The following RASGRP1 variants were observed in gnomAD, a reference collection of about 807,000 sequenced individuals.
The protein encoded by RASGRP1 is RAS guanyl releasing protein 1, also known as RAS guanyl-releasing protein 1.
In RASGRP1, 37 loss-of-function variants were observed where a neutral mutation model predicts 95.1. The ratio of observed to expected loss-of-function variants is 0.39; its 90% CI spans 0.30 to 0.51. RASGRP1 has a LOEUF of 0.51. Among genes scored for constraint, RASGRP1 ranks in the 20% least tolerant of loss-of-function variants. The probability of loss-of-function intolerance (pLI) is 0.80; values close to 1 mark genes in which losing one functional copy is unlikely to be tolerated. For missense variants in RASGRP1, 711 were observed against 965.4 expected (o/e 0.74, Z 3.49); for synonymous variants, 325 against 353.4 (o/e 0.92, Z 0.90).
chr15:38,552,946 T>G (rs1181019836), intron 2 of RASGRP1, among the ~76,000 whole-genome samples: 1 of 151,648 alleles, frequency 6.6e-6, no homozygotes, highest in East Asian at 1.9e-4. Context: ...ATTTTTGCCC[T>G]CTGGTCTTGT....
At chr15:38,526,147 A>T in intron 3 of RASGRP1, 152 bp downstream of exon 3, 1 of 642,104 alleles carries the variant, frequency 1.6e-6, no homozygotes, top group East Asian at 2.8e-5. Context: ...CACACCCCCA[A>T]CACATGCACC....
chr15:38,494,559 G>T lies in RASGRP1; in HGVS notation c.2082C>A (p.Ser694=). 1 of 1,579,422 alleles carries T rather than the reference G, an allele frequency of 6.3e-7. No homozygotes were observed. The highest frequency in any genetic ancestry group is 2.3e-5 in the East Asian group (1 of 43,220). ...EGPSGPFVLS[S]PRKTAQDTLY... Reference sequence around the variant, plus strand: ...GAGTATCCTGGGCTGTCTTCCTTGGGGAAGACAGCACAAAGGGACCTGAAG... The same window carrying T: ...GAGTATCCTGGGCTGTCTTCCTTGGTGAAGACAGCACAAAGGGACCTGAAG... The change falls in exon 16 of 17, where the codon TCC becomes TCA. Residue 694 remains serine, a synonymous_variant. Coordinates refer to ENST00000310803, the MANE Select transcript of RASGRP1 (RefSeq NM_005739.4).
At chr15:38,508,101 C>A in intron 8 of RASGRP1, 100 bp from the exon 9 acceptor site, 1 of 1,361,912 alleles carries the variant, frequency 7.3e-7, no homozygotes. Context: ...TGATCTCACC[C>A]CATCCAGAAT....
At chr15:38,526,211 C>T in intron 3 of RASGRP1, 88 bp downstream of exon 3, 2 of 1,065,432 alleles carry the variant, frequency 1.9e-6, no homozygotes, top group South Asian at 2.6e-5. Flanking sequence ...TATTCCAAAC[C>T]AATAAAAATA....
At chr15:38,562,233 C>T (rs535351651) in intron 1 of RASGRP1, among the ~76,000 whole-genome samples, 30 of 152,330 alleles carry the variant, frequency 2.0e-4, no homozygotes, top group African/African-American at 7.2e-4. Flanking sequence ...AAAAGCATAA[C>T]TGGTAATGTA....
chr15:38,550,300 T>G (rs1208735749), intron 2 of RASGRP1, among the ~76,000 whole-genome samples: 1 of 151,774 alleles, frequency 6.6e-6, no homozygotes, highest in African/African-American at 2.4e-5. Flanking sequence ...CAAAAGATCT[T>G]TTCTTGTTTC....
At chr15:38,513,951 T>C (rs1891652632) in intron 6 of RASGRP1, among the ~76,000 whole-genome samples, 1 of 152,236 alleles carries the variant, frequency 6.6e-6, no homozygotes, top group South Asian at 2.1e-4. Flanking sequence ...GTCTGCCATG[T>C]TGCCTTCCTA....
At chr15:38,552,398 A>C (rs1360567126) in intron 2 of RASGRP1, among the ~76,000 whole-genome samples, 1 of 152,186 alleles carries the variant, frequency 6.6e-6, no homozygotes, top group Non-Finnish European at 1.5e-5. Context: ...TGTATCTGGG[A>C]AACAGTGGTG....
At chr15:38,497,940 A>G (rs879260418) in intron 15 of RASGRP1, among the ~76,000 whole-genome samples, 5 of 152,168 alleles carry the variant, frequency 3.3e-5, no homozygotes, top group Non-Finnish European at 7.4e-5. Context: ...TCCTTTCTAC[A>G]TTTAGCCTTC....
In RASGRP1 at chr15:38,494,640, A is replaced by C; in HGVS notation, c.2001T>G (p.Ala667=). Residue 667 remains alanine (A), a synonymous_variant, in exon 16 of 17, where the codon GCT becomes GCG. Coordinates refer to ENST00000310803, the MANE Select transcript of RASGRP1 (RefSeq NM_005739.4). ...CAGTCTGGGTGGCCTTGTGGGCAAC[A>C]GCCCTCTTCAGCCGAAGAGAAATCT... ...SQKISLRLKR[A]VAHKATQTES... 6.4e-7 allele frequency: 1 copy of C among 1,550,636 alleles called. No individual in the cohort carries two copies.
At chr15:38,545,846 A>G (rs1375174532) in intron 2 of RASGRP1, among the ~76,000 whole-genome samples, 1 of 152,236 alleles carries the variant, frequency 6.6e-6, no homozygotes, top group African/African-American at 2.4e-5. Context: ...ATTCCCAAAG[A>G]TAGTTCTGGT....
chr15:38,496,217 A>G (rs1321228618), intron 15 of RASGRP1, among the ~76,000 whole-genome samples: 2 of 152,240 alleles, frequency 1.3e-5, no homozygotes, highest in Non-Finnish European at 2.9e-5. Context: ...GATGATATCC[A>G]ATAGTCATTT....
rs141466728 is a variant in RASGRP1, at chr15:38,524,727, T to C, written c.326+1572A>G. On this transcript the variant is annotated intron_variant, in intron 3 of 16. Transcript: ENST00000310803. ...CACATCAAATTTTTAACCCTAACAA[T>C]GGAATGAAGGGGAGGTAGGGTTAAG... 6.3e-3 allele frequency among the ~76,000 whole-genome samples: 957 copies of C among 152,116 alleles called. 13 individuals carry two copies. Among genetic ancestry groups the C allele is most frequent in the African/African-American group, 0.022 (897 of 41,490 alleles).
rs185993917 is a variant in RASGRP1 at position 38,563,710 on chromosome 15, C to T, written c.35+884G>A. On this transcript the variant is annotated intron_variant, in intron 1 of 16. Transcript: ENST00000310803. Reference sequence around the variant, plus strand: ...ACAGTGGTGGACCCTCAGGGGATACCTGGATGGGGAGAGGCAGGGCGTGCA... The same window carrying T: ...ACAGTGGTGGACCCTCAGGGGATACTTGGATGGGGAGAGGCAGGGCGTGCA... Among the ~76,000 whole-genome samples the T allele has an allele frequency of 2.6e-5, 4 of 152,280 alleles. No homozygotes were observed. The East Asian group carries it at 7.7e-4, about 29-fold the overall frequency.
chr15:38,517,126 A>G (rs1281551851), intron 5 of RASGRP1, among the ~76,000 whole-genome samples: 1 of 152,174 alleles, frequency 6.6e-6, no homozygotes, highest in Non-Finnish European at 1.5e-5. Flanking sequence ...GGGAAGTGCT[A>G]TAAATTCTGT....
At chr15:38,526,839 AATGACCAT>A (rs1892243715) in intron 2 of RASGRP1, among the ~76,000 whole-genome samples, 1 of 152,204 alleles carries the variant, frequency 6.6e-6, no homozygotes, top group Non-Finnish European at 1.5e-5. Flanking sequence ...TACAAAAACA[AATGACCAT>A]ATGAATACAT....
In RASGRP1 at chr15:38,507,861, C is replaced by T. The variant is rs1406316386; in HGVS notation, c.1107G>A (p.Met369Ile). The T allele has an allele frequency of 1.9e-6, 3 of 1,613,682 alleles. No individual in the cohort carries two copies. Among genetic ancestry groups the T allele is most frequent in the African/African-American group, 2.7e-5 (2 of 74,938 alleles). ...LKDLISLYEA[M>I]PDYLEDGKVN... ...CTTTCCCGTCCTCCAGATAGTCAGG[C>T]ATGGCTTCATACAGGGAGATGAGGT... Residue 369 changes from methionine (M) to isoleucine (I), a missense_variant, in exon 9 of 17, where the codon ATG becomes ATA. Coordinates refer to ENST00000310803, the MANE Select transcript of RASGRP1 (RefSeq NM_005739.4).
intron 6 of RASGRP1, among the ~76,000 whole-genome samples, chr15:38,513,977 T>C (rs918539307): frequency 6.6e-6 from 1 of 152,206 alleles, no homozygotes; most frequent in Non-Finnish European, 1.5e-5. Context: ...GCAGAGATCT[T>C]GGAAATTCCT....
Position 38,494,286 on chromosome 15 carries a change from C to T in RASGRP1, c.2259+96G>A, listed in dbSNP as rs766682668. On this transcript the variant is annotated intron_variant, in intron 16 of 16. Transcript: ENST00000310803. ...TTTTTTGTTTTAGACTGCTTGTAAT[C>T]AGCCTGATCTGAATCTTCAGTCCAC... 5 of 1,482,658 alleles carry T rather than the reference C, an allele frequency of 3.4e-6. No individual in the cohort carries two copies. In the Admixed American group the frequency reaches 9.3e-5, roughly 28 times the overall value. 91.8% of individuals were successfully genotyped at this position (1,482,658 alleles called of 1,614,324 possible).
Sources: gnomAD v4.1 joint callset for allele counts (sites outside exome capture counted in the v4.1 genomes callset) on GRCh38, gnomAD v4.1.1 for gene constraint, MANE v1.5 for transcripts, NCBI Gene and HGNC (gene_info 2026-07-23, HGNC 2026-07-21) for gene names.